Variants in PIK3R1 observed in about 807,000 individuals in gnomAD.
The protein encoded by PIK3R1 is phosphatidylinositol 3-kinase regulatory subunit alpha.
PIK3R1 carries 29 observed loss-of-function variants against 98.0 expected under a neutral mutation model. The ratio of observed to expected loss-of-function variants is 0.30; its 90% CI spans 0.22 to 0.40. PIK3R1 has a LOEUF of 0.40. PIK3R1 is among the 10% of genes least tolerant of loss of function. The probability of loss-of-function intolerance (pLI) is 1.00; values close to 1 mark genes in which losing one functional copy is unlikely to be tolerated. For synonymous variants in PIK3R1, 282 were observed against 311.8 expected (o/e 0.90, Z 1.01); for missense variants, 596 against 872.7 (o/e 0.68, Z 3.99).
At chr5:68,240,272 G>A (rs1394227422) in intron 2 of PIK3R1, among the ~76,000 whole-genome samples, 1 of 152,200 alleles carries the variant, frequency 6.6e-6, no homozygotes, top group Non-Finnish European at 1.5e-5. Context: ...AGCAGCTTTA[G>A]AGAAAGGATT....
intron 2 of PIK3R1, among the ~76,000 whole-genome samples, chr5:68,267,055 C>T (rs2112140907): frequency 6.6e-6 from 1 of 152,216 alleles, no homozygotes; most frequent in African/African-American, 2.4e-5. Context: ...CTTCAAAAAT[C>T]CTGTGGACTC....
chr5:68,240,490 A>G (rs937783066), intron 2 of PIK3R1, among the ~76,000 whole-genome samples: 1 of 152,242 alleles, frequency 6.6e-6, no homozygotes, highest in Non-Finnish European at 1.5e-5. Flanking sequence ...TTGTCAGACC[A>G]CATCTCTCCA....
At position 68,299,187 on chromosome 5, in the gene PIK3R1, A is replaced by G. The variant is rs759380517; in HGVS notation, c.*1586A>G. On this transcript the variant is annotated 3_prime_UTR_variant, in exon 16 of 16. Coordinates refer to ENST00000521381, the MANE Select transcript of PIK3R1 (RefSeq NM_181523.3). ...TTAAAGGGATAATCATCTCTGTCAC[A>G]TTAGACTATCCATCATGACCAGCAA... 1.3e-4 allele frequency: 31 copies of G among 233,492 alleles called. No homozygotes were observed. Among genetic ancestry groups the G allele is most frequent in the Admixed American group, 9.6e-4 (17 of 17,774 alleles). 14.5% of individuals were successfully genotyped at this position (233,492 alleles called of 1,614,324 possible).
chr5:68,279,530 GT>G, intron 4 of PIK3R1, 71 bp from the exon 5 acceptor site: 1 of 1,073,732 alleles, frequency 9.3e-7, no homozygotes, highest in Non-Finnish European at 1.3e-6. Flanking sequence ...GAGTCAAATT[GT>G]TCAGAAAATT....
Position 68,247,180 on chromosome 5 carries a change from C to T in PIK3R1, c.334+20171C>T, listed in dbSNP as rs1017635591. On this transcript the variant is annotated intron_variant, in intron 2 of 15. Transcript: ENST00000521381. ...AATTTATCATGGCTCATCTCTAAGT[C>T]ATAATAGTTTTTTGAGTAGAGGAGG... Among the ~76,000 whole-genome samples, 272 of 152,234 alleles carry T rather than the reference C, an allele frequency of 1.8e-3. 1 individual carries two copies. The highest frequency in any genetic ancestry group is 2.6e-3 in the Non-Finnish European group (176 of 68,016).
intron 2 of PIK3R1, among the ~76,000 whole-genome samples, chr5:68,254,302 C>G (rs1199366668): frequency 6.6e-6 from 1 of 152,208 alleles, no homozygotes; most frequent in Admixed American, 6.5e-5. Flanking sequence ...CTCTTGTTCT[C>G]TCTCTTCATC....
At chr5:68,295,391 T>C in intron 13 of PIK3R1, 29 bp from the exon 14 acceptor site, 2 of 1,613,882 alleles carry the variant, frequency 1.2e-6, no homozygotes, top group South Asian at 1.1e-5. Flanking sequence ...GATGAGTTAA[T>C]GCGTTCTCTT....
chr5:68,251,374 T>C (rs1392192994), intron 2 of PIK3R1, among the ~76,000 whole-genome samples: 1 of 152,064 alleles, frequency 6.6e-6, no homozygotes, highest in Non-Finnish European at 1.5e-5. Context: ...ACTGTGTTGA[T>C]GAGTTGGTTT....
At chr5:68,223,174 A>G (rs893263206) in intron 1 of PIK3R1, among the ~76,000 whole-genome samples, 9 of 149,600 alleles carry the variant, frequency 6.0e-5, no homozygotes, top group Middle Eastern at 3.4e-3. Flanking sequence ...TCATCACCCA[A>G]TACTTAACCG....
intron 2 of PIK3R1, among the ~76,000 whole-genome samples, chr5:68,262,808 T>TATACATGTAG (rs1183160750): frequency 1.5e-5 from 1 of 64,804 alleles, no homozygotes; most frequent in South Asian, 5.1e-4. Context: ...TAGATACATG[T>TATACATGTAG]ATACATGTAG....
rs545104970 is a variant in PIK3R1 at position 68,260,053 on chromosome 5, C to T, written c.335-13337C>T. 7.9e-5 allele frequency among the ~76,000 whole-genome samples: 12 copies of T among 152,236 alleles called. No individual in the cohort carries two copies. The East Asian group carries it at 1.4e-3, about 17-fold the overall frequency. On this transcript the variant is annotated intron_variant, in intron 2 of 15. Transcript: ENST00000521381. ...TTCTGAGATAATTTTAGTAAAGCAA[C>T]GTAGCATAGAGCCTGATACATGTTA... is the stretch of plus-strand genomic sequence containing the variant.
intron 7 of PIK3R1, among the ~76,000 whole-genome samples, chr5:68,281,423 G>A (rs1042695913): frequency 6.6e-6 from 1 of 152,148 alleles, no homozygotes; most frequent in Non-Finnish European, 1.5e-5. Flanking sequence ...GCTGAGAAAT[G>A]CCTGTCAAAA....
In PIK3R1 at chr5:68,293,409, C is replaced by A. The variant is rs1175989621; in HGVS notation, c.1225C>A (p.Arg409=). 6.2e-7 allele frequency: 1 copy of A among 1,613,062 alleles called. No homozygotes were observed. Residue 409 remains arginine, a synonymous_variant, in exon 10 of 16, where the codon CGG becomes AGG. Transcript: ENST00000521381. The part of the protein sequence containing the change: ...SSVVELINHY[R]NESLAQYNPK... ...TGTGGTTGAATTAATAAACCACTAC[C>A]GGAATGAATCTCTAGCTCAGTATAA...
chr5:68,293,696 T>G lies in PIK3R1; in HGVS notation c.1300-13T>G, dbSNP rs1428908262. 2 of 1,412,916 alleles carry G rather than the reference T, an allele frequency of 1.4e-6. No homozygotes were observed. Among genetic ancestry groups the G allele is most frequent in the African/African-American group, 2.9e-5 (2 of 69,232 alleles). The allele number at this position is 1,412,916 out of a possible 1,614,324, so 87.5% of individuals were successfully genotyped here. ...AAATACCTTATCCATTGAATTTATTTTAATCTTTCTAGGATCAAGTTGTCA... is the reference window on the plus strand; with the variant it reads ...AAATACCTTATCCATTGAATTTATTGTAATCTTTCTAGGATCAAGTTGTCA... On this transcript the variant is annotated splice_polypyrimidine_tract_variant and intron_variant, in intron 10 of 15. Coordinates refer to ENST00000521381, the MANE Select transcript of PIK3R1 (RefSeq NM_181523.3).
chr5:68,262,625 G>A lies in PIK3R1; in HGVS notation c.335-10765G>A, dbSNP rs1409957381. 8.5e-4 allele frequency among the ~76,000 whole-genome samples: 117 copies of A among 137,212 alleles called. 1 individual carries two copies. The highest frequency in any genetic ancestry group is 1.3e-3 in the Non-Finnish European group (86 of 64,680). 90.0% of individuals were successfully genotyped at this position (137,212 alleles called of 152,430 possible). On this transcript the variant is annotated intron_variant, in intron 2 of 15. Coordinates refer to ENST00000521381, the MANE Select transcript of PIK3R1 (RefSeq NM_181523.3). Reference sequence around the variant, plus strand: ...TATACACATGTATACACATGTAGATGCATGTATACACATGTATACACATGT... The same window carrying A: ...TATACACATGTATACACATGTAGATACATGTATACACATGTATACACATGT...
chr5:68,273,552 CTT>C, intron 3 of PIK3R1, 70 bp downstream of exon 3: 1 of 1,274,388 alleles, frequency 7.8e-7, no homozygotes, highest in Non-Finnish European at 1.1e-6. Context: ...TTATTTGTCT[CTT>C]GTGCATTCAT....
At chr5:68,252,779 G>A (rs756111526) in intron 2 of PIK3R1, among the ~76,000 whole-genome samples, 11 of 152,176 alleles carry the variant, frequency 7.2e-5, no homozygotes, top group Non-Finnish European at 1.2e-4. Flanking sequence ...TACTGGGGCC[G>A]AACATGTAGG....
chr5:68,232,419 C>T (rs1317794562), intron 2 of PIK3R1, among the ~76,000 whole-genome samples: 1 of 152,152 alleles, frequency 6.6e-6, no homozygotes, highest in East Asian at 1.9e-4. Context: ...AGGGTTCTTA[C>T]CCTGAGCTGG....
rs113541179 is a variant in PIK3R1, at chr5:68,289,724, C to T, written c.917-2535C>T. On this transcript the variant is annotated intron_variant, in intron 7 of 15. Transcript: ENST00000521381. ...AGTAGTGCTAAGAAGGAATATTTGT[C>T]CCGGAGTGAGGCATTTGAGATAGAG... Among the ~76,000 whole-genome samples the T allele has an allele frequency of 4.3e-4, 56 of 130,110 alleles. 2 individuals are homozygous for T. Among genetic ancestry groups the T allele is most frequent in the African/African-American group, 1.7e-3 (56 of 33,490 alleles). 85.4% of individuals were successfully genotyped at this position (130,110 alleles called of 152,430 possible).
Sources: gnomAD v4.1 joint callset for allele counts (sites outside exome capture counted in the v4.1 genomes callset) on GRCh38, gnomAD v4.1.1 for gene constraint, MANE v1.5 for transcripts, NCBI Gene and HGNC (gene_info 2026-07-23, HGNC 2026-07-21) for gene names.